The following VWA3B variants were observed in gnomAD, a reference collection of about 807,000 sequenced individuals.
VWA3B encodes the protein von Willebrand factor A domain containing 3B, also known as von Willebrand factor A domain-containing protein 3B.
A neutral mutation model predicts 158.3 loss-of-function variants in VWA3B; 138 were observed. The ratio of observed to expected loss-of-function variants is 0.87; its 90% CI spans 0.76 to 1.00. The LOEUF (loss-of-function observed/expected upper bound fraction) is 1.00, where lower values mean the gene tolerates loss of function less well. Among genes scored for constraint, VWA3B ranks in the 50% least tolerant of loss-of-function variants. The probability of loss-of-function intolerance (pLI) is 0.00; values close to 1 mark genes in which losing one functional copy is unlikely to be tolerated. For missense variants in VWA3B, 1,555 were observed against 1,565.1 expected (o/e 0.99, Z 0.11); for synonymous variants, 596 against 587.3 (o/e 1.01, Z -0.21).
chr2:98,167,389 A>G (rs1363290109), intron 8 of VWA3B, among the ~76,000 whole-genome samples: 1 of 152,130 alleles, frequency 6.6e-6, no homozygotes, highest in African/African-American at 2.4e-5. Context: ...ACAAAAATGT[A>G]TGAATCAATG....
Position 98,114,906 on chromosome 2 carries a change from G to A in VWA3B, c.197-746G>A, listed in dbSNP as rs2104931850. On this transcript the variant is annotated intron_variant, in intron 2 of 27. Coordinates refer to ENST00000477737, the MANE Select transcript of VWA3B (RefSeq NM_144992.5). ...GGTTTATGCAACAGATATTTGAATAGCTGAGCATATAATCTGATAAGGAGA... is the reference window on the plus strand; with the variant it reads ...GGTTTATGCAACAGATATTTGAATAACTGAGCATATAATCTGATAAGGAGA... Among the ~76,000 whole-genome samples the A allele has an allele frequency of 1.3e-5, 2 of 152,302 alleles. 1 individual carries two copies. Among genetic ancestry groups the A allele is most frequent in the Admixed American group, 1.3e-4 (2 of 15,288 alleles).
At chr2:98,123,079 C>T (rs1675090482) in intron 5 of VWA3B, among the ~76,000 whole-genome samples, 3 of 152,180 alleles carry the variant, frequency 2.0e-5, no homozygotes, top group Admixed American at 2.0e-4. Context: ...AGTTAAAAAA[C>T]ACATGTGTGT....
At chr2:98,242,788 C>T (rs1280788787) in intron 19 of VWA3B, among the ~76,000 whole-genome samples, 13 of 150,320 alleles carry the variant, frequency 8.6e-5, no homozygotes, top group Middle Eastern at 3.2e-3. Context: ...CTTAGAGTGA[C>T]CTGTGAGGTG....
At chr2:98,117,979 C>T (rs1021696373) in intron 3 of VWA3B, among the ~76,000 whole-genome samples, 1 of 152,100 alleles carries the variant, frequency 6.6e-6, no homozygotes. Flanking sequence ...TCGGGTGATT[C>T]ACTCACCTTG....
At position 98,302,790 on chromosome 2, in the gene VWA3B, C is replaced by T. The variant is rs144957667; in HGVS notation, c.3421-912C>T. ...TGCCTAGGATACAGAATAAAAATAT[C>T]CAGTGCCTCCTTGACTGTGGCATGA... On this transcript the variant is annotated intron_variant, in intron 25 of 27. Transcript: ENST00000477737. 3.5e-3 allele frequency among the ~76,000 whole-genome samples: 537 copies of T among 152,296 alleles called. 5 individuals carry two copies. The highest frequency in any genetic ancestry group is 5.5e-3 in the Non-Finnish European group (375 of 68,024).
intron 5 of VWA3B, among the ~76,000 whole-genome samples, chr2:98,121,703 C>G (rs903675213): frequency 6.6e-6 from 1 of 152,080 alleles, no homozygotes. Context: ...CAGGGTAGAC[C>G]CTTGTTTAGC....
In VWA3B at chr2:98,116,288, T is replaced by C. The variant is rs537896762; in HGVS notation, c.291+542T>C. 3.3e-5 allele frequency among the ~76,000 whole-genome samples: 5 copies of C among 152,334 alleles called. No individual in the cohort carries two copies. In the East Asian group the frequency reaches 9.6e-4, roughly 29 times the overall value. On this transcript the variant is annotated intron_variant, in intron 3 of 27. Transcript: ENST00000477737. ...TTATGGATATTTGTTCATGTCTATGTACATCCATGTACCACCTGGACTACT... is the reference window on the plus strand; with the variant it reads ...TTATGGATATTTGTTCATGTCTATGCACATCCATGTACCACCTGGACTACT...
intron 6 of VWA3B, among the ~76,000 whole-genome samples, chr2:98,133,214 G>T (rs1359860179): frequency 6.6e-6 from 1 of 152,144 alleles, no homozygotes; most frequent in Admixed American, 6.5e-5. Flanking sequence ...CTGGGTGGGG[G>T]CCTGGGAGTG....
At chr2:98,314,924 A>T (rs2106037000), downstream of VWA3B, among the ~76,000 whole-genome samples, 1 of 151,552 alleles carries the variant, frequency 6.6e-6, no homozygotes, top group Admixed American at 6.6e-5. Flanking sequence ...TTGGGAGGAG[A>T]GGCTGAGGCA....
At chr2:98,265,403 A>G (rs1687747838) in intron 21 of VWA3B, among the ~76,000 whole-genome samples, 1 of 151,716 alleles carries the variant, frequency 6.6e-6, no homozygotes, top group African/African-American at 2.4e-5. Flanking sequence ...ATAGTATTCC[A>G]TGGTGTATAT....
intron 7 of VWA3B, among the ~76,000 whole-genome samples, chr2:98,162,214 C>T (rs1179702121): frequency 2.9e-5 from 4 of 139,912 alleles, no homozygotes; most frequent in East Asian, 2.5e-4. Context: ...GCCTGGATCT[C>T]GATGAAGGCA....
At chr2:98,315,146 G>A (rs540020828), downstream of VWA3B, among the ~76,000 whole-genome samples, 51 of 152,276 alleles carry the variant, frequency 3.3e-4, no homozygotes, top group Non-Finnish European at 6.0e-4. Context: ...ATAGAGTAAT[G>A]TCGATAGTAC....
the VWA3B span, among the ~76,000 whole-genome samples, chr2:98,328,597 G>T: frequency 6.6e-6 from 1 of 152,066 alleles, no homozygotes; most frequent in African/African-American, 2.4e-5. Context: ...ATTTAAAATA[G>T]TGTCAAAAAC....
chr2:98,242,150 T>C, intron 19 of VWA3B: 4 of 446,602 alleles, frequency 9.0e-6, no homozygotes, highest in South Asian at 4.8e-5. Flanking sequence ...TCTGTCTGCA[T>C]AGAGTTGTAA....
downstream of VWA3B, among the ~76,000 whole-genome samples, chr2:98,315,344 T>C (rs1200908198): frequency 1.3e-5 from 2 of 152,178 alleles, no homozygotes; most frequent in East Asian, 3.8e-4. Flanking sequence ...ATAATAATAA[T>C]ACCTATGTAT....
intron 2 of VWA3B, among the ~76,000 whole-genome samples, chr2:98,108,175 C>G (rs1182901062): frequency 1.3e-5 from 2 of 151,984 alleles, no homozygotes; most frequent in East Asian, 3.9e-4. Flanking sequence ...TTCCTGTTAT[C>G]TTTTTATTTA....
At chr2:98,325,734 A>G in the VWA3B span, among the ~76,000 whole-genome samples, 1 of 152,334 alleles carries the variant, frequency 6.6e-6, no homozygotes, top group African/African-American at 2.4e-5. Context: ...GGGTGAATGG[A>G]CATACATGGT....
At chr2:98,267,816 G>A (rs531085234) in intron 21 of VWA3B, among the ~76,000 whole-genome samples, 4 of 152,176 alleles carry the variant, frequency 2.6e-5, no homozygotes, top group African/African-American at 9.6e-5. Context: ...GAAAAAAAGA[G>A]AGAAGAATCA....
chr2:98,316,811 C>T (rs1037590505), downstream of VWA3B, among the ~76,000 whole-genome samples: 1 of 151,930 alleles, frequency 6.6e-6, no homozygotes, highest in African/African-American at 2.4e-5. Flanking sequence ...AAATATGTAG[C>T]ACCTCCCCTC....
Sources: gnomAD v4.1 joint callset for allele counts (sites outside exome capture counted in the v4.1 genomes callset) on GRCh38, gnomAD v4.1.1 for gene constraint, MANE v1.5 for transcripts, NCBI Gene and HGNC (gene_info 2026-07-23, HGNC 2026-07-21) for gene names.